The following CDCP1 variants were observed in gnomAD, a reference collection of about 807,000 sequenced individuals.
CDCP1 encodes the protein CUB domain containing protein 1, also known as CUB domain-containing protein 1.
In CDCP1, 29 loss-of-function variants were observed where a neutral mutation model predicts 60.2. That is an observed-to-expected ratio of 0.48 (90% CI 0.36 to 0.66). CDCP1 has a LOEUF of 0.66. CDCP1 is among the 30% of genes least tolerant of loss of function. The pLI is 0.00. For missense variants in CDCP1, 876 were observed against 1,074.3 expected (o/e 0.82, Z 2.58); for synonymous variants, 387 against 431.1 (o/e 0.90, Z 1.27).
chr3:45,117,443 C>T (rs940048461), intron 2 of CDCP1, among the ~76,000 whole-genome samples: 5 of 152,238 alleles, frequency 3.3e-5, no homozygotes, highest in South Asian at 4.1e-4. Flanking sequence ...TAAGGCATTA[C>T]GCAGTTGAAT....
chr3:45,108,663 GAT>G (rs1324738421), intron 4 of CDCP1, among the ~76,000 whole-genome samples: 9 of 110,702 alleles, frequency 8.1e-5, no homozygotes, highest in Non-Finnish European at 1.7e-4. Context: ...TGTCTCAATG[GAT>G]ACACACACAC....
At chr3:45,118,714 C>T (rs1698834717) in intron 1 of CDCP1, 93 bp from the exon 2 acceptor site, 2 of 938,018 alleles carry the variant, frequency 2.1e-6, no homozygotes, top group Non-Finnish European at 3.3e-6. Context: ...AGAGGATGTC[C>T]TCTATGACAA....
At chr3:45,145,098 G>C (rs1166138834) in intron 1 of CDCP1, among the ~76,000 whole-genome samples, 1 of 152,088 alleles carries the variant, frequency 6.6e-6, no homozygotes, top group Non-Finnish European at 1.5e-5. Context: ...AATGAACCAG[G>C]AAGTATTCCT....
intron 4 of CDCP1, among the ~76,000 whole-genome samples, chr3:45,097,877 G>A (rs1299490495): frequency 6.6e-6 from 1 of 152,200 alleles, no homozygotes; most frequent in Admixed American, 6.5e-5. Context: ...GAGATGCCAT[G>A]TCTAGAGCTG....
At chr3:45,109,285 T>A (rs1698647616) in intron 4 of CDCP1, among the ~76,000 whole-genome samples, 1 of 151,928 alleles carries the variant, frequency 6.6e-6, no homozygotes, top group African/African-American at 2.4e-5. Flanking sequence ...TATACATACA[T>A]ACATATGGAC....
intron 4 of CDCP1, among the ~76,000 whole-genome samples, chr3:45,106,034 A>G (rs918176886): frequency 1.3e-5 from 2 of 152,192 alleles, no homozygotes; most frequent in African/African-American, 4.8e-5. Flanking sequence ...GTAATTGTAC[A>G]TGACTCAAAA....
In CDCP1 at chr3:45,095,520, G is replaced by A. The variant is rs1449905851; in HGVS notation, c.1073C>T (p.Thr358Ile). 1 of 1,614,038 alleles carries A rather than the reference G, an allele frequency of 6.2e-7. No homozygotes were observed. The highest frequency in any genetic ancestry group is 2.2e-5 in the East Asian group (1 of 44,886). The change falls in exon 5 of 9, where the codon ACC (threonine) becomes ATC (isoleucine). Residue 358 changes from threonine to isoleucine, a missense_variant. This residue lies in a region of CDCP1 where 726 missense variants were observed against 935.7 expected (regional missense o/e 0.78). Transcript: ENST00000296129. ...CTGTTTGACGGGCCGTGGCTCGATG[G>A]TGAGTGACATGGCTCGCTCATTACT... Reference protein sequence around the residue: ...DLSNERAMSLTIEPRPVKQSR... With the variant: ...DLSNERAMSLIIEPRPVKQSR...
rs1559398799 is a variant in CDCP1, at chr3:45,126,127, T to TTTCTTTCTTTCTTTCC, written c.83-7507_83-7506insGGAAAGAAAGAAAGAA. Among the ~76,000 whole-genome samples the TTTCTTTCTTTCTTTCC allele has an allele frequency of 3.7e-4, 47 of 128,114 alleles. 1 individual carries two copies. Among genetic ancestry groups the TTTCTTTCTTTCTTTCC allele is most frequent in the Non-Finnish European group, 4.7e-5 (3 of 63,870 alleles). The allele number at this position is 128,114 out of a possible 152,430, so 84.0% of individuals were successfully genotyped here. A position where few individuals can be genotyped will look rare whatever the true frequency, so the allele number is the denominator to read the frequency against. On this transcript the variant is annotated intron_variant, in intron 1 of 8. Transcript: ENST00000296129. ...CTCTCTCTCTTTCTTTCTTTCTTTC[T>TTTCTTTCTTTCTTTCC]TTCTTTCTTTCTTTCTTTCTTTCTT...
chr3:45,102,256 A>G (rs1698494565), intron 4 of CDCP1, among the ~76,000 whole-genome samples: 1 of 151,972 alleles, frequency 6.6e-6, no homozygotes, highest in South Asian at 2.1e-4. Context: ...ACTTTTGTAG[A>G]GATGGGGTTT....
chr3:45,098,393 A>C (rs556459792), intron 4 of CDCP1, among the ~76,000 whole-genome samples: 8 of 152,254 alleles, frequency 5.3e-5, no homozygotes, highest in African/African-American at 1.7e-4. Context: ...GAAAAAAGAT[A>C]TGGAGAGAAA....
intron 1 of CDCP1, among the ~76,000 whole-genome samples, chr3:45,132,205 C>T (rs915990995): frequency 2.0e-5 from 3 of 147,966 alleles, no homozygotes; most frequent in Admixed American, 6.8e-5. Context: ...CACTGCACTA[C>T]AGCCTGGCGA....
rs1698150371 is a variant in CDCP1 at position 45,084,305 on chromosome 3, G to A, written c.*1333C>T. 6.6e-6 allele frequency: 1 copy of A among 152,194 alleles called. No homozygotes were observed. The highest frequency in any genetic ancestry group is 2.4e-5 in the African/African-American group (1 of 41,416). The allele number at this position is 152,194 out of a possible 1,614,324, so 9.4% of individuals were successfully genotyped here. ...AGATCATTTTGTAGCCTCTCCTGTG[G>A]GAGTCAGTGGCAGGAAGGTGTGGTA... On this transcript the variant is annotated 3_prime_UTR_variant, in exon 9 of 9. Transcript: ENST00000296129.
Position 45,086,009 on chromosome 3 carries a change from C to G in CDCP1, c.2140G>C (p.Glu714Gln), listed in dbSNP as rs376427211. The change falls in exon 9 of 9, where the codon GAG becomes CAG. Residue 714 changes from glutamate (E) to glutamine (Q), a missense_variant. This residue lies in a region of CDCP1 where 726 missense variants were observed against 935.7 expected (regional missense o/e 0.78). Coordinates refer to ENST00000296129, the MANE Select transcript of CDCP1 (RefSeq NM_022842.5). ...AACTTTTTTGGCTGCCTCGGCATCT[C>G]AGTATTGATGTTGTCATTGTAGATA... is the stretch of plus-strand genomic sequence containing the variant. ...VGIYNDNINT[E>Q]MPRQPKKFQK... 4 of 1,614,164 alleles carry G rather than the reference C, an allele frequency of 2.5e-6. No individual in the cohort carries two copies. The highest frequency in any genetic ancestry group is 3.4e-6 in the Non-Finnish European group (4 of 1,180,010).
At chr3:45,145,974 C>A (rs1295931589) in intron 1 of CDCP1, among the ~76,000 whole-genome samples, 2 of 151,974 alleles carry the variant, frequency 1.3e-5, no homozygotes, top group Non-Finnish European at 2.9e-5. Flanking sequence ...GTGCCGAGGG[C>A]AAGGTTGACT....
chr3:45,125,604 C>T (rs2126003453), intron 1 of CDCP1, among the ~76,000 whole-genome samples: 1 of 152,328 alleles, frequency 6.6e-6, no homozygotes, highest in Non-Finnish European at 1.5e-5. Flanking sequence ...ATTACAACTA[C>T]TACTAGCAGC....
intron 1 of CDCP1, among the ~76,000 whole-genome samples, chr3:45,145,707 G>C (rs945125359): frequency 6.6e-6 from 1 of 152,190 alleles, no homozygotes; most frequent in Admixed American, 6.5e-5. Context: ...GGGAAATGCG[G>C]ACGTGAAAGC....
chr3:45,094,214 G>A (rs1444014919), intron 5 of CDCP1, among the ~76,000 whole-genome samples: 4 of 138,504 alleles, frequency 2.9e-5, no homozygotes, highest in Non-Finnish European at 6.2e-5. Context: ...TGGTTTACTG[G>A]CCTTCAGTCA....
In CDCP1 at chr3:45,085,653, C is replaced by A. The variant is rs778699720; in HGVS notation, c.2496G>T (p.Met832Ile). Residue 832 changes from methionine (M) to isoleucine (I), a missense_variant, in exon 9 of 9, where the codon ATG (methionine) becomes ATT (isoleucine). Met to Ile is a conservative substitution (Grantham distance 10). Transcript: ENST00000296129. This position sits in a 1 kb window ranked among gnomAD's most constrained non-coding sequence, Gnocchi z 4.2. ...DIPLLNTQEP[M>I]EPAE ...ATGGATCAAGTTATTCTGCTGGCTC[C>A]ATGGGCTCCTGAGTGTTCAGTAAGG... is the stretch of plus-strand genomic sequence containing the variant. The A allele has an allele frequency of 1.2e-6, 2 of 1,612,058 alleles. No individual in the cohort carries two copies. The highest frequency in any genetic ancestry group is 1.7e-6 in the Non-Finnish European group (2 of 1,178,450).
chr3:45,111,149 T>A (rs1698686328), intron 3 of CDCP1, among the ~76,000 whole-genome samples: 1 of 152,196 alleles, frequency 6.6e-6, no homozygotes, highest in South Asian at 2.1e-4. Context: ...CAACACCAGG[T>A]GACTGAATGT....
Sources: gnomAD v4.1 joint callset for allele counts (sites outside exome capture counted in the v4.1 genomes callset) on GRCh38, gnomAD v4.1.1 for gene constraint, gnomAD v4.1.1 regional missense constraint, Gnocchi (gnomAD v3.1) non-coding constraint, MANE v1.5 for transcripts, NCBI Gene and HGNC (gene_info 2026-07-23, HGNC 2026-07-21) for gene names.